SIK3: variants seen among roughly 807,000 people sequenced by gnomAD.
The protein encoded by SIK3 is serine/threonine-protein kinase SIK3.
In SIK3, 28 loss-of-function variants were observed where a neutral mutation model predicts 144.2. That is an observed-to-expected ratio of 0.19 (90% CI 0.14 to 0.27). The LOEUF is 0.27. Ranked by LOEUF, SIK3 falls within the 10% of genes least tolerant of loss-of-function variation. The pLI is 1.00. For missense variants in SIK3, 1,319 were observed against 1,776.0 expected (o/e 0.74, Z 4.62); for synonymous variants, 686 against 676.3 (o/e 1.01, Z -0.22).
At chr11:117,058,147 C>A (rs944133559) in intron 1 of SIK3, among the ~76,000 whole-genome samples, 2 of 152,058 alleles carry the variant, frequency 1.3e-5, no homozygotes, top group South Asian at 2.1e-4. Context: ...TGTGAAGGAT[C>A]TGAAAAAGGG....
intron 1 of SIK3, among the ~76,000 whole-genome samples, chr11:116,962,544 T>C (rs1949387465): frequency 1.3e-5 from 2 of 152,354 alleles, no homozygotes; most frequent in South Asian, 4.1e-4. Flanking sequence ...TTTGTCATTG[T>C]AAGCTTTTTT....
intron 1 of SIK3, among the ~76,000 whole-genome samples, chr11:117,047,122 A>C (rs79766564): frequency 0.045 from 6,894 of 152,256 alleles, 520 homozygotes; most frequent in African/African-American, 0.16. Flanking sequence ...ATTATTGTTT[A>C]TTTATGTTGG....
chr11:116,973,015 C>G (rs1378774987), intron 1 of SIK3, among the ~76,000 whole-genome samples: 2 of 152,164 alleles, frequency 1.3e-5, no homozygotes, highest in Non-Finnish European at 2.9e-5. Flanking sequence ...CAACAAAAAG[C>G]TGGGATCCTC....
chr11:117,083,915 AC>A (rs1373274756), intron 1 of SIK3, among the ~76,000 whole-genome samples: 1 of 152,216 alleles, frequency 6.6e-6, no homozygotes, highest in East Asian at 1.9e-4. Context: ...CAGTTTCTTC[AC>A]CAAGTTTTTA....
At chr11:116,965,907 CCTGGGTGA>C (rs1949530470) in intron 1 of SIK3, among the ~76,000 whole-genome samples, 1 of 148,818 alleles carries the variant, frequency 6.7e-6, no homozygotes, top group South Asian at 2.1e-4. Context: ...TACATGCCAG[CCTGGGTGA>C]CAGAGCAAGA....
At chr11:117,016,333 G>A (rs1333614386) in intron 1 of SIK3, among the ~76,000 whole-genome samples, 1 of 121,748 alleles carries the variant, frequency 8.2e-6, no homozygotes, top group African/African-American at 3.2e-5. Context: ...GAAAAAAAAA[G>A]GAAGGAAGGA....
At chr11:117,030,329 T>C (rs1952203068) in intron 1 of SIK3, among the ~76,000 whole-genome samples, 1 of 152,200 alleles carries the variant, frequency 6.6e-6, no homozygotes, top group Admixed American at 6.5e-5. Flanking sequence ...ACAGCATTAT[T>C]TGCAATAGCA....
At chr11:117,077,216 A>C in intron 1 of SIK3, among the ~76,000 whole-genome samples, 1 of 152,192 alleles carries the variant, frequency 6.6e-6, no homozygotes, top group East Asian at 1.9e-4. Context: ...CACTGCTCAA[A>C]ACAGCAGCTA....
chr11:116,950,238 T>G, intron 3 of SIK3: 1 of 449,634 alleles, frequency 2.2e-6, no homozygotes, highest in Non-Finnish European at 4.6e-6. Flanking sequence ...GAATGAGAAT[T>G]GCTGATGTCC....
intron 3 of SIK3, among the ~76,000 whole-genome samples, chr11:116,947,228 T>TAAATTATTATTTATTTATAATATA (rs1948686506): frequency 1.2e-4 from 1 of 8,180 alleles, no homozygotes; most frequent in South Asian, 3.4e-3. Context: ...TATATAATTA[T>TAAATTATTATTTATTTATAATATA]TTATATATTT....
At chr11:116,847,848 G>A (rs1304178589) in intron 22 of SIK3, among the ~76,000 whole-genome samples, 1 of 152,168 alleles carries the variant, frequency 6.6e-6, no homozygotes. Flanking sequence ...CTCAGCTGGT[G>A]GTGACATCTT....
chr11:116,960,667 T>C (rs1949310874), intron 1 of SIK3, among the ~76,000 whole-genome samples: 1 of 152,196 alleles, frequency 6.6e-6, no homozygotes, highest in Non-Finnish European at 1.5e-5. Context: ...CTAGAACAGG[T>C]TACTTAATTT....
intron 1 of SIK3, among the ~76,000 whole-genome samples, chr11:116,982,576 C>T (rs973507524): frequency 1.3e-5 from 2 of 152,126 alleles, no homozygotes; most frequent in Non-Finnish European, 2.9e-5. Context: ...GCGTGCGCCA[C>T]TATGCCCGGC....
intron 1 of SIK3, among the ~76,000 whole-genome samples, chr11:117,059,279 A>G (rs11216255): frequency 0.37 from 56,470 of 152,058 alleles, 12,785 homozygotes; most frequent in African/African-American, 0.64. Context: ...ACAAAATCAC[A>G]GAGTAAGAGA....
intron 14 of SIK3, chr11:116,868,885 G>A (rs774659620): frequency 6.6e-6 from 1 of 152,122 alleles, no homozygotes; most frequent in Non-Finnish European, 1.5e-5. Context: ...TCTTTGTCTG[G>A]TGGATGACTT....
intron 6 of SIK3, among the ~76,000 whole-genome samples, chr11:116,889,769 C>A (rs117709132): frequency 1.3e-5 from 2 of 151,916 alleles, no homozygotes; most frequent in East Asian, 1.9e-4. Flanking sequence ...TGGTGGCGTG[C>A]GCCTGTAGAC....
intron 3 of SIK3, among the ~76,000 whole-genome samples, chr11:116,948,101 AT>A (rs1948763042): frequency 6.7e-6 from 1 of 150,352 alleles, no homozygotes; most frequent in African/African-American, 2.5e-5. Flanking sequence ...TGCATGGCTA[AT>A]TTTTCTATTT....
intron 1 of SIK3, among the ~76,000 whole-genome samples, chr11:116,983,063 T>C (rs776358705): frequency 2.4e-4 from 36 of 150,984 alleles, no homozygotes; most frequent in Non-Finnish European, 3.7e-4. Flanking sequence ...TTCTTAAAAA[T>C]TGAAATATAA....
At chr11:116,937,330 A>C (rs1947972580) in intron 3 of SIK3, among the ~76,000 whole-genome samples, 1 of 152,268 alleles carries the variant, frequency 6.6e-6, no homozygotes, top group African/African-American at 2.4e-5. Flanking sequence ...GAAGCCAGAC[A>C]TATGAATGCA....
Sources: allele counts gnomAD v4.1 joint callset (sites outside exome capture counted in the v4.1 genomes callset), GRCh38; gene constraint gnomAD v4.1.1; transcripts MANE v1.5; gene names NCBI Gene and HGNC (gene_info 2026-07-23, HGNC 2026-07-21).